LRRC4C: variants seen among roughly 807,000 people sequenced by gnomAD.
LRRC4C encodes leucine rich repeat containing 4C.
A neutral mutation model predicts 33.6 loss-of-function variants in LRRC4C; 5 were observed. That is an observed-to-expected ratio of 0.15 (90% confidence interval 0.08 to 0.31). The LOEUF (loss-of-function observed/expected upper bound fraction) is 0.31. LRRC4C is among the 10% of genes least tolerant of loss of function. The pLI is 1.00. For missense variants in LRRC4C, 560 were observed against 796.7 expected (o/e 0.70, Z 3.58); for synonymous variants, 329 against 302.0 (o/e 1.09, Z -0.93).
chr11:40,119,568 A>C (rs951589799), intron 6 of LRRC4C, among the ~76,000 whole-genome samples: 1 of 152,194 alleles, frequency 6.6e-6, no homozygotes, highest in Non-Finnish European at 1.5e-5. Context: ...GGCATACTGT[A>C]GGCACAAAAT....
chr11:40,521,699 T>C (rs1955821028), intron 3 of LRRC4C, among the ~76,000 whole-genome samples: 1 of 151,898 alleles, frequency 6.6e-6, no homozygotes, highest in Admixed American at 6.6e-5. Flanking sequence ...TAAAACTCCG[T>C]CTCTACTAAA....
chr11:40,281,536 G>T (rs2136450691), intron 4 of LRRC4C, among the ~76,000 whole-genome samples: 1 of 152,208 alleles, frequency 6.6e-6, no homozygotes, highest in African/African-American at 2.4e-5. Flanking sequence ...ATTCAGGAGA[G>T]GCACATCTCT....
At chr11:41,048,203 G>T (rs1333148070) in intron 1 of LRRC4C, among the ~76,000 whole-genome samples, 2 of 149,828 alleles carry the variant, frequency 1.3e-5, no homozygotes, top group South Asian at 2.1e-4. Flanking sequence ...AGCAATGTGT[G>T]TTGGGATGTG....
intron 3 of LRRC4C, among the ~76,000 whole-genome samples, chr11:40,350,870 G>C (rs1947351435): frequency 6.6e-6 from 1 of 151,350 alleles, no homozygotes; most frequent in African/African-American, 2.4e-5. Flanking sequence ...GGGGTTACTT[G>C]CTTGATTTCA....
intron 1 of LRRC4C, among the ~76,000 whole-genome samples, chr11:41,375,988 T>C (rs1210482939): frequency 6.6e-6 from 1 of 151,918 alleles, no homozygotes; most frequent in Non-Finnish European, 1.5e-5. Context: ...GTATGAAAGA[T>C]TGGAGAATTC....
chr11:40,814,077 T>C (rs576700129), intron 2 of LRRC4C, among the ~76,000 whole-genome samples: 11 of 152,236 alleles, frequency 7.2e-5, no homozygotes, highest in South Asian at 2.1e-4. Context: ...ACGGTTCCAC[T>C]AGGCAGTTTC....
intron 1 of LRRC4C, among the ~76,000 whole-genome samples, chr11:41,230,032 T>C (rs1947713720): frequency 6.6e-6 from 1 of 152,122 alleles, no homozygotes. Flanking sequence ...CCATTTTTCT[T>C]GTCCTCATCA....
chr11:41,414,897 G>A (rs889197950), intron 1 of LRRC4C, among the ~76,000 whole-genome samples: 13 of 152,128 alleles, frequency 8.5e-5, no homozygotes, highest in African/African-American at 3.1e-4. Flanking sequence ...TTCAAGAGAG[G>A]CAATTTAAGG....
chr11:40,693,167 G>A (rs908206672), intron 2 of LRRC4C, among the ~76,000 whole-genome samples: 1 of 152,038 alleles, frequency 6.6e-6, no homozygotes, highest in African/African-American at 2.4e-5. Context: ...TAAAAGAAAA[G>A]TTGGTTGTGT....
chr11:40,210,347 A>C (rs1562983), intron 5 of LRRC4C, among the ~76,000 whole-genome samples: 149,393 of 152,276 alleles, frequency 0.98, 73,365 homozygotes, highest in Middle Eastern at 1. Flanking sequence ...TCTCAAATCT[A>C]TAGAAAGTAA....
At chr11:40,189,628 A>G (rs899178738) in intron 5 of LRRC4C, among the ~76,000 whole-genome samples, 4 of 152,186 alleles carry the variant, frequency 2.6e-5, no homozygotes, top group African/African-American at 9.7e-5. Flanking sequence ...ACCAGAAGAG[A>G]CACTGGCTAA....
intron 1 of LRRC4C, among the ~76,000 whole-genome samples, chr11:41,300,023 G>C (rs545773836): frequency 5.5e-4 from 83 of 152,242 alleles, no homozygotes; most frequent in Non-Finnish European, 1.1e-3. Flanking sequence ...CATTAGAGCA[G>C]CTTGTATATA....
At position 40,853,357 on chromosome 11, in the gene LRRC4C, A is replaced by G. The variant is rs914571502; in HGVS notation, c.-407+80278T>C. 4.7e-5 allele frequency among the ~76,000 whole-genome samples: 7 copies of G among 149,694 alleles called. No homozygotes were observed. The South Asian group carries it at 1.5e-3, about 31-fold the overall frequency. ...CTTTATAATTTAACTATATATTTAT[A>G]TAATTGAACTATGTTTATGTAAACA... On this transcript the variant is annotated intron_variant, in intron 2 of 6. Transcript: ENST00000528697.
chr11:41,459,078 T>C (rs1956257599), intron 1 of LRRC4C, among the ~76,000 whole-genome samples: 1 of 152,288 alleles, frequency 6.6e-6, no homozygotes, highest in African/African-American at 2.4e-5. Flanking sequence ...TCAGAGCCTC[T>C]GCCAGTCGCT....
Position 40,477,015 on chromosome 11 carries a change from T to C in LRRC4C, c.-269-157294A>G, listed in dbSNP as rs548905852. 3.2e-4 allele frequency among the ~76,000 whole-genome samples: 49 copies of C among 152,286 alleles called. 1 individual carries two copies. The highest frequency in any genetic ancestry group is 1.1e-3 in the African/African-American group (47 of 41,550). On this transcript the variant is annotated intron_variant, in intron 3 of 6. Coordinates refer to ENST00000528697, the MANE Select transcript of LRRC4C (RefSeq NM_001258419.2). Reference sequence around the variant, plus strand: ...CTTTTTCATCTCTTTCCTTTTAAATTCCAGCAATAATTCAGTTTAGTTAGG... The same window carrying C: ...CTTTTTCATCTCTTTCCTTTTAAATCCCAGCAATAATTCAGTTTAGTTAGG...
rs768153143 is a variant in LRRC4C, at chr11:40,930,769, AT to A, written c.-407+2865del. Among the ~76,000 whole-genome samples, 11 of 152,312 alleles carry A rather than the reference AT, an allele frequency of 7.2e-5. No individual in the cohort carries two copies. In the East Asian group the frequency reaches 1.2e-3, roughly 16 times the overall value. The stretch of plus-strand genomic sequence containing the variant: ...GAGTGAATATCATATAAGCAATAGC[AT>A]TTACATCCAAGTCTAAAAATGGGTT... On this transcript the variant is annotated intron_variant, in intron 2 of 6. Coordinates refer to ENST00000528697, the MANE Select transcript of LRRC4C (RefSeq NM_001258419.2).
intron 2 of LRRC4C, among the ~76,000 whole-genome samples, chr11:40,904,999 C>T (rs926093390): frequency 2.6e-5 from 4 of 152,060 alleles, no homozygotes; most frequent in African/African-American, 4.8e-5. Context: ...TTTGTGCGCA[C>T]GTGCACACGC....
chr11:41,209,714 T>G (rs1227874490), intron 1 of LRRC4C, among the ~76,000 whole-genome samples: 1 of 151,882 alleles, frequency 6.6e-6, no homozygotes, highest in Non-Finnish European at 1.5e-5. Context: ...GGAACAAGAC[T>G]TTTTGGACTG....
intron 3 of LRRC4C, among the ~76,000 whole-genome samples, chr11:40,525,877 C>T (rs946241606): frequency 2.0e-5 from 3 of 151,954 alleles, no homozygotes; most frequent in East Asian, 1.9e-4. Flanking sequence ...TGGTATTGGT[C>T]GAAGTGTAGA....
Sources: allele counts gnomAD v4.1 joint callset (sites outside exome capture counted in the v4.1 genomes callset), GRCh38; gene constraint gnomAD v4.1.1; transcripts MANE v1.5; gene names NCBI Gene and HGNC (gene_info 2026-07-23, HGNC 2026-07-21).